Variants in MICAL2 observed in about 807,000 individuals in gnomAD.
MICAL2 encodes [F-actin]-monooxygenase MICAL2.
Under a neutral mutation model 127.3 loss-of-function variants are expected in MICAL2, and 77 were observed. That is an observed-to-expected ratio of 0.60 (90% CI 0.50 to 0.73). The LOEUF is 0.73. MICAL2 is among the 30% of genes least tolerant of loss of function. MICAL2 has a pLI of 0.00. For missense variants in MICAL2, 1,351 were observed against 1,434.4 expected, an observed-to-expected ratio of 0.94 and a Z score of 0.94; for synonymous variants, 570 against 551.1, an observed-to-expected ratio of 1.03 and a Z score of -0.48.
In MICAL2 at chr11:12,223,496, G is replaced by A. The variant is rs1363135449; in HGVS notation, c.1535G>A (p.Arg512Lys). ...GSVRRSVNLS[R>K]KESDIRPSKL... ...GTGAGGAGATCTGTCAACCTCTCCAGGAAGGGTAAGCGGCCCTCCTGGGAC... is the reference window on the plus strand; with the variant it reads ...GTGAGGAGATCTGTCAACCTCTCCAAGAAGGGTAAGCGGCCCTCCTGGGAC... The change falls in exon 12 of 28, where the codon AGG becomes AAG. Residue 512 changes from arginine (R) to lysine (K), a missense_variant. By Grantham distance (26) the Arg-to-Lys change is conservative. Around this residue, in one of 2 missense-constraint regions of MICAL2, gnomAD observed 599 missense variants for 714.9 expected, o/e 0.84. Transcript: ENST00000683283. 1.9e-6 allele frequency: 3 copies of A among 1,613,656 alleles called. No homozygotes were observed. Among genetic ancestry groups the A allele is most frequent in the Admixed American group, 3.3e-5 (2 of 59,994 alleles).
intron 29 of MICAL2, among the ~76,000 whole-genome samples, chr11:12,311,366 C>A (rs1460431877): frequency 6.6e-6 from 1 of 151,570 alleles, no homozygotes; most frequent in African/African-American, 2.4e-5. Context: ...TAAAATTTTT[C>A]TTTCTTTTTT....
At chr11:12,262,331 C>T (rs1863239771) in intron 26 of MICAL2, 149 bp from the exon 27 acceptor site, 1 of 1,505,952 alleles carries the variant, frequency 6.6e-7, no homozygotes, top group Non-Finnish European at 8.8e-7. Flanking sequence ...CAAACAGCGA[C>T]TCTTTCAGAG....
At chr11:12,222,497 G>T (rs1856940131) in intron 10 of MICAL2, 120 bp from the exon 11 acceptor site, 1 of 1,334,652 alleles carries the variant, frequency 7.5e-7, no homozygotes, top group Admixed American at 2.1e-5. Context: ...TTCAGGGAAG[G>T]GTTAGACAAA....
chr11:12,240,260 G>A (rs906803912), intron 17 of MICAL2, among the ~76,000 whole-genome samples: 2 of 152,190 alleles, frequency 1.3e-5, no homozygotes, highest in African/African-American at 4.8e-5. Flanking sequence ...TTCTGACTCC[G>A]GCTCCGAGGT....
At chr11:12,312,011 T>C (rs1052883126) in intron 29 of MICAL2, among the ~76,000 whole-genome samples, 3 of 151,308 alleles carry the variant, frequency 2.0e-5, no homozygotes, top group African/African-American at 7.3e-5. Flanking sequence ...TAATTTATTA[T>C]AATAGTTTAT....
At chr11:12,152,588 C>G (rs937076394) in intron 2 of MICAL2, among the ~76,000 whole-genome samples, 1 of 152,110 alleles carries the variant, frequency 6.6e-6, no homozygotes, top group African/African-American at 2.4e-5. Context: ...AAGAATATTT[C>G]ACAGGTGCAG....
intron 7 of MICAL2, among the ~76,000 whole-genome samples, chr11:12,213,833 G>A (rs187980415): frequency 3.3e-5 from 5 of 152,292 alleles, no homozygotes; most frequent in African/African-American, 1.2e-4. Flanking sequence ...AGTCACCTAT[G>A]GATGGTTCCT....
chr11:12,181,557 T>C (rs1015951193), intron 3 of MICAL2, among the ~76,000 whole-genome samples: 18 of 152,242 alleles, frequency 1.2e-4, no homozygotes, highest in African/African-American at 4.1e-4. Flanking sequence ...TACAGTCTCT[T>C]CAATTACAAT....
At position 12,214,688 on chromosome 11, in the gene MICAL2, C is replaced by A. The variant is rs1453616591; in HGVS notation, c.847+1278C>A. Among the ~76,000 whole-genome samples, 4 of 152,168 alleles carry A rather than the reference C, an allele frequency of 2.6e-5. No homozygotes were observed. In the East Asian group the frequency reaches 7.7e-4, roughly 29 times the overall value. On this transcript the variant is annotated intron_variant, in intron 7 of 27. Transcript: ENST00000683283. ...AGTTTATTTAAAATTCAAATTTCAG[C>A]ATCCATAAATAAAAGCTGATTGTCG...
chr11:12,190,900 A>G (rs577605660), intron 3 of MICAL2, among the ~76,000 whole-genome samples: 2 of 152,384 alleles, frequency 1.3e-5, no homozygotes, highest in East Asian at 3.9e-4. Flanking sequence ...CCCTTATTTA[A>G]TAAGATAATA....
chr11:12,263,750 A>T lies in MICAL2; in HGVS notation c.*208A>T, dbSNP rs11553422. 3,902 of 152,650 alleles carry T rather than the reference A, an allele frequency of 0.026. 55 individuals carry two copies. The highest frequency in any genetic ancestry group is 0.065 in the East Asian group (334 of 5,168). The allele number at this position is 152,650 out of a possible 1,614,324, so 9.5% of individuals were successfully genotyped here. A position where few individuals can be genotyped will look rare whatever the true frequency, so the allele number is the denominator to read the frequency against. On this transcript the variant is annotated 3_prime_UTR_variant, in exon 28 of 28. Coordinates refer to ENST00000683283, the MANE Select transcript of MICAL2 (RefSeq NM_001282663.2). ...TGTTTAGCTTTATTTATGGTATTTG[A>T]TGCTGTAAATGGAAATAAATATTGT...
downstream of MICAL2, chr11:12,293,904 G>A (rs770770141): frequency 6.2e-7 from 1 of 1,611,900 alleles, no homozygotes; most frequent in South Asian, 1.1e-5. Flanking sequence ...GAAAAAGGGA[G>A]TACTGGAGCC....
intron 1 of MICAL2, among the ~76,000 whole-genome samples, chr11:12,118,446 G>A (rs565572814): frequency 3.3e-5 from 5 of 152,016 alleles, no homozygotes; most frequent in Non-Finnish European, 4.4e-5. Context: ...CTCTTCCTGC[G>A]GCCTGCTGAA....
At position 12,225,202 on chromosome 11, in the gene MICAL2, G is replaced by C. The variant is rs60289130; in HGVS notation, c.1688+382G>C. On this transcript the variant is annotated intron_variant, in intron 13 of 27. Transcript: ENST00000683283. ...CTAGTTTGAGGGTTTTATAGAATTA[G>C]GTTTGAGACCCAGATCCATAAGCTG... 6.6e-5 allele frequency among the ~76,000 whole-genome samples: 10 copies of C among 152,240 alleles called. No individual in the cohort carries two copies. The East Asian group carries it at 1.2e-3, about 18-fold the overall frequency.
At chr11:12,244,946 A>C (rs1268530841) in intron 21 of MICAL2, among the ~76,000 whole-genome samples, 1 of 152,234 alleles carries the variant, frequency 6.6e-6, no homozygotes, top group Non-Finnish European at 1.5e-5. Flanking sequence ...AGTAGTGCAG[A>C]GATCAGCCTG....
chr11:12,144,513 G>A (rs944037014), intron 2 of MICAL2, among the ~76,000 whole-genome samples: 2 of 152,196 alleles, frequency 1.3e-5, no homozygotes, highest in East Asian at 1.9e-4. Flanking sequence ...TTTCAGGAAT[G>A]TGGCCTCTGA....
downstream of MICAL2, among the ~76,000 whole-genome samples, chr11:12,268,314 C>G (rs975203342): frequency 6.6e-6 from 1 of 152,232 alleles, no homozygotes; most frequent in Non-Finnish European, 1.5e-5. Context: ...TGCACAGCAG[C>G]AGGTGGGCCT....
chr11:12,234,276 G>A (rs866513822), intron 15 of MICAL2, among the ~76,000 whole-genome samples: 63 of 150,846 alleles, frequency 4.2e-4, no homozygotes, highest in African/African-American at 1.5e-3. Flanking sequence ...TGGAGGAAAA[G>A]CCAAATCCTC....
chr11:12,186,628 G>A (rs1461838439), intron 3 of MICAL2, among the ~76,000 whole-genome samples: 1 of 152,098 alleles, frequency 6.6e-6, no homozygotes, highest in Non-Finnish European at 1.5e-5. Context: ...CAGTCTCTGG[G>A]CCTCAGTTTA....
Sources: allele counts gnomAD v4.1 joint callset (sites outside exome capture counted in the v4.1 genomes callset), GRCh38; gene constraint gnomAD v4.1.1; regional missense constraint gnomAD v4.1.1; transcripts MANE v1.5; gene names NCBI Gene and HGNC (gene_info 2026-07-23, HGNC 2026-07-21).